The following DNAH1 variants were observed in gnomAD, a reference collection of about 807,000 sequenced individuals.
DNAH1 encodes axonemal beta dynein heavy chain 1.
A neutral mutation model predicts 484.3 loss-of-function variants in DNAH1; 327 were observed. The ratio of observed to expected loss-of-function variants is 0.68; its 90% CI spans 0.62 to 0.74. The LOEUF is 0.74. Ranked by LOEUF, DNAH1 falls within the 30% of genes least tolerant of loss-of-function variation. The pLI is 0.00. For missense variants in DNAH1, 5,052 were observed against 5,546.8 expected (o/e 0.91, Z 2.83); for synonymous variants, 2,192 against 2,191.9 (o/e 1.00, Z 0.00).
chr3:52,396,577 C>G, intron 71 of DNAH1, 39 bp downstream of exon 71: 1 of 1,611,336 alleles, frequency 6.2e-7, no homozygotes, highest in Non-Finnish European at 8.5e-7. Context: ...TACCTGCCCC[C>G]GTCCCCGCTC....
chr3:52,393,454 G>A lies in DNAH1; in HGVS notation c.10595G>A (p.Arg3532His), dbSNP rs765399008. 7.4e-6 allele frequency: 12 copies of A among 1,613,902 alleles called. No individual in the cohort carries two copies. Among genetic ancestry groups the A allele is most frequent in the Admixed American group, 6.7e-5 (4 of 60,008 alleles). ...ATGTTTGCCTTCCTGCTGTGTGTTCGCATCATGATGAACGAGGGCAAAATC... is the reference window on the plus strand; with the variant it reads ...ATGTTTGCCTTCCTGCTGTGTGTTCACATCATGATGAACGAGGGCAAAATC... ...KLMFAFLLCV[R>H]IMMNEGKINQ... is the part of the protein sequence containing the mutation. Residue 3532 changes from arginine (R) to histidine (H), a missense_variant, in exon 66 of 78, where the codon CGC (arginine) becomes CAC (histidine). Physicochemically the swap from Arg to His is conservative, Grantham distance 29. Coordinates refer to ENST00000420323, the MANE Select transcript of DNAH1 (RefSeq NM_015512.5).
intron 8 of DNAH1, 98 bp from the exon 9 acceptor site, chr3:52,344,392 C>A (rs760536099): frequency 1.4e-5 from 20 of 1,441,940 alleles, no homozygotes; most frequent in Middle Eastern, 2.2e-4. Context: ...GCCCTAAATG[C>A]GTGTCCCCAG....
At chr3:52,380,411 G>GGGGCCTGGGGCC in intron 48 of DNAH1, among the ~76,000 whole-genome samples, 1 of 152,146 alleles carries the variant, frequency 6.6e-6, no homozygotes. Flanking sequence ...GGCCGGGGGC[G>GGGGCCTGGGGCC]GGGCCTGGGG....
chr3:52,397,785 A>G lies in DNAH1; in HGVS notation c.11866A>G (p.Thr3956Ala). 6.2e-7 allele frequency: 1 copy of G among 1,613,714 alleles called. No homozygotes were observed. Among genetic ancestry groups the G allele is most frequent in the South Asian group, 1.1e-5 (1 of 91,054 alleles). The change falls in exon 74 of 78, where the codon ACC becomes GCC. Residue 3956 changes from threonine to alanine, a missense_variant. Coordinates refer to ENST00000420323, the MANE Select transcript of DNAH1 (RefSeq NM_015512.5). ...IFGLHDNANI[T>A]FAQNETFALL... ...TGGCCTGCATGACAATGCCAACATC[A>G]CCTTTGCCCAGAACGAGACGTTCGC...
intron 44 of DNAH1, 85 bp from the exon 45 acceptor site, chr3:52,375,155 T>G: frequency 7.0e-7 from 1 of 1,431,952 alleles, no homozygotes; most frequent in Non-Finnish European, 9.4e-7. Context: ...AAGTATAATT[T>G]TGAATTTTTG....
intron 66 of DNAH1, 89 bp from the exon 67 acceptor site, chr3:52,394,376 T>C: frequency 4.0e-6 from 5 of 1,249,454 alleles, no homozygotes; most frequent in South Asian, 2.7e-5. Flanking sequence ...CAGGTGAGGG[T>C]GGTTAGAGAG....
At position 52,399,586 on chromosome 3, in the gene DNAH1, A is replaced by G; in HGVS notation, c.12483A>G (p.Gln4161=). 1 of 1,613,868 alleles carries G rather than the reference A, an allele frequency of 6.2e-7. No homozygotes were observed. The highest frequency in any genetic ancestry group is 8.5e-7 in the Non-Finnish European group (1 of 1,179,782). The stretch of plus-strand genomic sequence containing the variant: ...CATCAGAGTTAACACAAAGACCCCA[A>G]GTAGGGTGCTATATCCATGGATTAT... ...EAPSELTQRP[Q]VGCYIHGLFL... is the part of the protein sequence containing the mutation. The change falls in exon 77 of 78, where the codon CAA becomes CAG. Residue 4161 remains glutamine (Q), a synonymous_variant. Transcript: ENST00000420323.
Position 52,375,993 on chromosome 3 carries a change from CGTAA to C in DNAH1, c.7198+3_7198+6del. ...AGAAAAAAGCTACCGGGAGCGTGTGCGTAAGTGTGGGCCTGGGCGGGAATGGGGC... is the reference window on the plus strand; with the variant it reads ...AGAAAAAAGCTACCGGGAGCGTGTGCGTGTGGGCCTGGGCGGGAATGGGGC... On this transcript the variant is annotated splice_donor_variant and splice_donor_region_variant and intron_variant, in intron 46 of 77. Transcript: ENST00000420323. LOFTEE classifies it high-confidence loss of function. The C allele has an allele frequency of 6.2e-7, 1 of 1,611,770 alleles. No homozygotes were observed. The highest frequency in any genetic ancestry group is 1.7e-4 in the Middle Eastern group (1 of 6,056).
chr3:52,359,809 C>A (rs1279108078), intron 26 of DNAH1, 107 bp from the exon 27 acceptor site: 37 of 1,453,542 alleles, frequency 2.5e-5, no homozygotes, highest in Non-Finnish European at 3.5e-5. Context: ...CATCAGAGAC[C>A]CCCAGGATAG....
rs772558487 is a variant in DNAH1, at chr3:52,392,812, C to G, written c.10279-18C>G. On this transcript the variant is annotated intron_variant, in intron 64 of 77. Coordinates refer to ENST00000420323, the MANE Select transcript of DNAH1 (RefSeq NM_015512.5). ...CCTTCTGCTCTTTGACCCCTCCCCC[C>G]ACCCACTACACCCACAGGCCAAAGT... The G allele has an allele frequency of 5.0e-5, 33 of 666,620 alleles. No individual in the cohort carries two copies. The highest frequency in any genetic ancestry group is 1.8e-4 in the Admixed American group (9 of 50,124). 41.3% of individuals were successfully genotyped at this position (666,620 alleles called of 1,614,324 possible). A position where few individuals can be genotyped will look rare whatever the true frequency, so the allele number is the denominator to read the frequency against.
Position 52,361,357 on chromosome 3 carries a change from G to T in DNAH1, c.4874+5G>T, listed in dbSNP as rs1282136699. The T allele has an allele frequency of 6.4e-7, 1 of 1,570,842 alleles. No homozygotes were observed. Among genetic ancestry groups the T allele is most frequent in the Non-Finnish European group, 8.6e-7 (1 of 1,156,918 alleles). On this transcript the variant is annotated splice_donor_5th_base_variant and intron_variant, in intron 29 of 77. Coordinates refer to ENST00000420323, the MANE Select transcript of DNAH1 (RefSeq NM_015512.5). This position sits in a 1 kb window ranked among gnomAD's most constrained non-coding sequence, Gnocchi z 5.6. ...GTTCTTCAAGGGCCTGGCCAGGTGA[G>T]GCTGGGCATGAGCGTGGCACAGGAT...
At position 52,360,020 on chromosome 3, in the gene DNAH1, C is replaced by T. The variant is rs776445581; in HGVS notation, c.4512C>T (p.Ser1504=). The T allele has an allele frequency of 6.2e-7, 1 of 1,613,946 alleles. No individual in the cohort carries two copies. Among genetic ancestry groups the T allele is most frequent in the South Asian group, 1.1e-5 (1 of 91,090 alleles). Reference sequence around the variant, plus strand: ...AGGTCCATGCCAAGGACGTGGTGAGCAAGCTAATCCAGGAGAACGTGGTCA... The same window carrying T: ...AGGTCCATGCCAAGGACGTGGTGAGTAAGCTAATCCAGGAGAACGTGGTCA... ...VIEVHAKDVV[S]KLIQENVVSV... is the part of the protein sequence containing the mutation. The change falls in exon 27 of 78, where the codon AGC becomes AGT. Residue 1504 remains serine, a synonymous_variant. Coordinates refer to ENST00000420323, the MANE Select transcript of DNAH1 (RefSeq NM_015512.5).
rs1345888299 is a variant in DNAH1, at chr3:52,362,226, G to T, written c.4981-162G>T. Among the ~76,000 whole-genome samples the T allele has an allele frequency of 6.6e-6, 1 of 152,164 alleles. No homozygotes were observed. The highest frequency in any genetic ancestry group is 1.5e-5 in the Non-Finnish European group (1 of 68,018). On this transcript the variant is annotated intron_variant, in intron 30 of 77. Coordinates refer to ENST00000420323, the MANE Select transcript of DNAH1 (RefSeq NM_015512.5). This position sits in a 1 kb window ranked among gnomAD's most constrained non-coding sequence, Gnocchi z 5.1. ...TAGCCACTGGGGCCTGAGGTTTCAG[G>T]CCAGATCCTGAGAGAGGATACAACC...
In DNAH1 at chr3:52,354,852, A is replaced by G. The variant is rs1356696914; in HGVS notation, c.3490A>G (p.Lys1164Glu). ...TTGTCCCCGACCCCAGGCACTGGAC[A>G]AGATGGAGAAGGAGTGGTCGACCAT... ...KEYAIEQALD[K>E]MEKEWSTILF... The change falls in exon 21 of 78, where the codon AAG becomes GAG. Residue 1164 changes from lysine (K) to glutamate (E), a missense_variant. Lys to Glu is a moderately conservative substitution (Grantham distance 56, BLOSUM62 1). Transcript: ENST00000420323. 3 of 1,613,460 alleles carry G rather than the reference A, an allele frequency of 1.9e-6. No individual in the cohort carries two copies. Among genetic ancestry groups the G allele is most frequent in the African/African-American group, 1.3e-5 (1 of 74,864 alleles).
At chr3:52,348,026 A>T (rs748873491) in intron 12 of DNAH1, 52 bp downstream of exon 12, 54 of 1,550,186 alleles carry the variant, frequency 3.5e-5, no homozygotes, top group Non-Finnish European at 4.6e-5. Flanking sequence ...CTGGCTGCTG[A>T]TGGCTCCCTG....
intron 6 of DNAH1, 36 bp from the exon 7 acceptor site, chr3:52,331,112 C>CG (rs988324191): frequency 3.2e-6 from 5 of 1,555,738 alleles, no homozygotes; most frequent in African/African-American, 2.7e-5. Context: ...GCCCCCATGG[C>CG]GGGGGGCACT....
At chr3:52,331,019 G>T (rs1701523617) in intron 6 of DNAH1, 129 bp from the exon 7 acceptor site, 3 of 1,177,634 alleles carry the variant, frequency 2.5e-6, no homozygotes, top group Non-Finnish European at 2.3e-6. Flanking sequence ...GCAGAGGGGG[G>T]CATCCCAGCG....
At position 52,364,652 on chromosome 3, in the gene DNAH1, C is replaced by T. The variant is rs779575025; in HGVS notation, c.5259C>T (p.Phe1753=). The part of the protein sequence containing the change: ...EQLSSQDHYD[F]GMRAVKTVIS... ...TATGGCGACAGGATCACTATGACTT[C>T]GGGATGAGAGCCGTGAAAACTGTGA... Residue 1753 remains phenylalanine, a synonymous_variant, in exon 33 of 78, where the codon TTC becomes TTT. Transcript: ENST00000420323. This position sits in a 1 kb window ranked among gnomAD's most constrained non-coding sequence, Gnocchi z 4.2. 9 of 1,613,934 alleles carry T rather than the reference C, an allele frequency of 5.6e-6. No individual in the cohort carries two copies. The highest frequency in any genetic ancestry group is 1.1e-5 in the South Asian group (1 of 91,082).
At chr3:52,346,002 G>T (rs113366989) in intron 10 of DNAH1, among the ~76,000 whole-genome samples, 3 of 152,210 alleles carry the variant, frequency 2.0e-5, no homozygotes, top group African/African-American at 4.8e-5. Flanking sequence ...TGTCTTAGAA[G>T]GGGGAGCAGG....
Sources: gnomAD v4.1 joint callset for allele counts (sites outside exome capture counted in the v4.1 genomes callset) on GRCh38, gnomAD v4.1.1 for gene constraint, Gnocchi (gnomAD v3.1) non-coding constraint, MANE v1.5 for transcripts, NCBI Gene and HGNC (gene_info 2026-07-23, HGNC 2026-07-21) for gene names.